The following CLIP2 variants were observed in gnomAD, a reference collection of about 807,000 sequenced individuals.
CLIP2 encodes the protein CAP-Gly domain-containing linker protein 2.
A neutral mutation model predicts 111.7 loss-of-function variants in CLIP2; 41 were observed. The observed-to-expected ratio is 0.37, with a 90% CI of 0.29 to 0.48. The LOEUF (loss-of-function observed/expected upper bound fraction) is 0.48, where lower values mean the gene tolerates loss of function less well. CLIP2 is among the 20% of genes least tolerant of loss of function. CLIP2 has a pLI of 0.99. For missense variants in CLIP2, 1,160 were observed against 1,422.1 expected, an observed-to-expected ratio of 0.82 and a Z score of 2.96; for synonymous variants, 660 against 644.2, an observed-to-expected ratio of 1.02 and a Z score of -0.37.
intron 3 of CLIP2, among the ~76,000 whole-genome samples, chr7:74,353,156 A>G (rs1354162459): frequency 1.3e-5 from 2 of 152,134 alleles, no homozygotes; most frequent in Non-Finnish European, 2.9e-5. Flanking sequence ...ATCTCAAAAA[A>G]AAAAGAAAAA....
chr7:74,390,162 G>GAAAAAGAAAGAAAGAAAGAAAGA lies in CLIP2; in HGVS notation c.2720+905_2720+906insAAAGAAAGAAAGAAAGAAAGAAA, dbSNP rs1215571636. The stretch of plus-strand genomic sequence containing the variant: ...AAAGAAAGAAAGAAAAAGAAAGAAA[G>GAAAAAGAAAGAAAGAAAGAAAGA]AAGAAAGAAAGAAAGAAAGAAAGAA... On this transcript the variant is annotated intron_variant, in intron 13 of 16. Transcript: ENST00000223398. Among the ~76,000 whole-genome samples, 52 of 85,016 alleles carry GAAAAAGAAAGAAAGAAAGAAAGA rather than the reference G, an allele frequency of 6.1e-4. 3 individuals are homozygous for GAAAAAGAAAGAAAGAAAGAAAGA. Among genetic ancestry groups the GAAAAAGAAAGAAAGAAAGAAAGA allele is most frequent in the East Asian group, 1.7e-3 (6 of 3,554 alleles). The allele number at this position is 85,016 out of a possible 152,430, so 55.8% of individuals were successfully genotyped here. A position where few individuals can be genotyped will look rare whatever the true frequency, so the allele number is the denominator to read the frequency against.
At chr7:74,386,879 C>A (rs1791120224) in intron 12 of CLIP2, among the ~76,000 whole-genome samples, 1 of 151,894 alleles carries the variant, frequency 6.6e-6, no homozygotes, top group Admixed American at 6.6e-5. Context: ...AAAAATTAGC[C>A]GGGCATGGTG....
intron 8 of CLIP2, among the ~76,000 whole-genome samples, chr7:74,369,753 A>T (rs1790554068): frequency 9.9e-6 from 1 of 101,064 alleles, no homozygotes; most frequent in Non-Finnish European, 2.0e-5. Flanking sequence ...GCTACTCGGA[A>T]GGCTGAGGCA....
chr7:74,307,827 G>C (rs555602265), intron 1 of CLIP2, among the ~76,000 whole-genome samples: 80 of 151,792 alleles, frequency 5.3e-4, no homozygotes, highest in African/African-American at 1.6e-3. Context: ...GCTGGGGGGT[G>C]GTTCAGGAGG....
intron 1 of CLIP2, among the ~76,000 whole-genome samples, chr7:74,290,099 G>T (rs908151272): frequency 6.6e-6 from 1 of 152,244 alleles, no homozygotes; most frequent in African/African-American, 2.4e-5. Flanking sequence ...TCCAAGGGCA[G>T]AGCAAGACGG....
intron 13 of CLIP2, among the ~76,000 whole-genome samples, chr7:74,389,745 A>G (rs940018823): frequency 5.9e-5 from 9 of 151,808 alleles, no homozygotes; most frequent in Non-Finnish European, 1.2e-4. Context: ...CTAAAAATAC[A>G]GAAATTAGCT....
At chr7:74,327,229 A>C (rs1789138627) in intron 2 of CLIP2, among the ~76,000 whole-genome samples, 1 of 152,070 alleles carries the variant, frequency 6.6e-6, no homozygotes, top group Admixed American at 6.6e-5. Context: ...CAGCCTCCCA[A>C]GTAGCTGGGA....
chr7:74,372,901 C>T, intron 8 of CLIP2, 31 bp from the exon 9 acceptor site: 4 of 955,568 alleles, frequency 4.2e-6, no homozygotes, highest in South Asian at 2.8e-5. Context: ...CCGCCCCCAC[C>T]CCCCCACCGT....
chr7:74,373,173 C>T, intron 9 of CLIP2, 137 bp downstream of exon 9: 3 of 616,936 alleles, frequency 4.9e-6, no homozygotes, highest in Non-Finnish European at 8.4e-6. Context: ...ATTTTTGCAT[C>T]CCCTTGGAGG....
chr7:74,350,712 TC>T (rs1353908852), intron 3 of CLIP2, among the ~76,000 whole-genome samples: 3 of 151,726 alleles, frequency 2.0e-5, no homozygotes, highest in Non-Finnish European at 4.4e-5. Flanking sequence ...TAGAAAATGT[TC>T]AAAAATTAGC....
At position 74,374,853 on chromosome 7, in the gene CLIP2, C is replaced by T. The variant is rs749667239; in HGVS notation, c.1486-1034C>T. On this transcript the variant is annotated intron_variant, in intron 9 of 16. Transcript: ENST00000223398. ...TCATTTTCATATCTATGACCATCAA[C>T]GTGATCAAGGTGGTTTTTTGGAGAA... Among the ~76,000 whole-genome samples the T allele has an allele frequency of 2.6e-5, 4 of 152,108 alleles. No individual in the cohort carries two copies. In the South Asian group the frequency reaches 8.3e-4, roughly 31 times the overall value.
intron 9 of CLIP2, among the ~76,000 whole-genome samples, 194 bp from the exon 10 acceptor site, chr7:74,375,693 A>G (rs1790755039): frequency 6.6e-6 from 1 of 151,890 alleles, no homozygotes; most frequent in South Asian, 2.1e-4. Context: ...CTTTCTGGAT[A>G]CTGTGATGGG....
At chr7:74,384,315 G>A (rs1791023220) in intron 11 of CLIP2, among the ~76,000 whole-genome samples, 1 of 152,056 alleles carries the variant, frequency 6.6e-6, no homozygotes, top group South Asian at 2.1e-4. Context: ...GGGCATTTGG[G>A]TTGTTTCTAC....
intron 8 of CLIP2, among the ~76,000 whole-genome samples, chr7:74,372,402 T>TGG (rs1192394907): frequency 2.9e-5 from 1 of 34,438 alleles, no homozygotes; most frequent in Non-Finnish European, 4.9e-5. Flanking sequence ...GCACAGGCCT[T>TGG]GGGGGGGGGG....
chr7:74,359,239 G>T (rs901485388), intron 6 of CLIP2, among the ~76,000 whole-genome samples: 2 of 151,052 alleles, frequency 1.3e-5, no homozygotes. Flanking sequence ...AGTGTACTGG[G>T]ATTACATGTG....
In CLIP2 at chr7:74,389,204, C is replaced by T. The variant is rs1554315365; in HGVS notation, c.2665C>T (p.His889Tyr). ...AELETVSRKT[H>Y]DASGQLVLIS... ...GCTGGAGACCGTGTCCCGGAAGACC[C>T]ATGACGCCTCGGGCCAGCTAGTCCT... The change falls in exon 13 of 17, where the codon CAT becomes TAT. Residue 889 changes from histidine to tyrosine, a missense_variant. Transcript: ENST00000223398. 5 of 1,612,972 alleles carry T rather than the reference C, an allele frequency of 3.1e-6. No individual in the cohort carries two copies. The highest frequency in any genetic ancestry group is 1.7e-6 in the Non-Finnish European group (2 of 1,179,652).
At chr7:74,402,779 C>T (rs1791657318) in intron 16 of CLIP2, among the ~76,000 whole-genome samples, 1 of 152,158 alleles carries the variant, frequency 6.6e-6, no homozygotes, top group African/African-American at 2.4e-5. Flanking sequence ...AGCAGCACAG[C>T]CACAGAATCT....
intron 11 of CLIP2, among the ~76,000 whole-genome samples, chr7:74,385,653 A>G (rs1227763381): frequency 6.6e-6 from 1 of 151,522 alleles, no homozygotes; most frequent in Non-Finnish European, 1.5e-5. Context: ...TAGCACTGTT[A>G]GCACTGTTAT....
At chr7:74,402,410 G>A (rs961662550) in intron 16 of CLIP2, among the ~76,000 whole-genome samples, 3 of 151,048 alleles carry the variant, frequency 2.0e-5, no homozygotes, top group South Asian at 2.1e-4. Flanking sequence ...CCAGCTACAC[G>A]GGAAGCTGAG....
Sources: gnomAD v4.1 joint callset for allele counts (sites outside exome capture counted in the v4.1 genomes callset) on GRCh38, gnomAD v4.1.1 for gene constraint, MANE v1.5 for transcripts, NCBI Gene and HGNC (gene_info 2026-07-23, HGNC 2026-07-21) for gene names.